The following KCNK13 variants were observed in gnomAD, a reference collection of about 807,000 sequenced individuals.
KCNK13 encodes potassium two pore domain channel subfamily K member 13.
KCNK13 carries 12 observed loss-of-function variants against 23.4 expected under a neutral mutation model. The observed-to-expected ratio is 0.51, with a 90% CI of 0.33 to 0.83. The LOEUF (loss-of-function observed/expected upper bound fraction) is 0.83, where lower values mean the gene tolerates loss of function less well. Among genes scored for constraint, KCNK13 ranks in the 40% least tolerant of loss-of-function variants. The pLI, the probability that KCNK13 is intolerant of heterozygous loss-of-function variation, is 0.02. For missense variants in KCNK13, 463 were observed against 556.3 expected, an observed-to-expected ratio of 0.83 and a Z score of 1.69; for synonymous variants, 231 against 229.5, an observed-to-expected ratio of 1.01 and a Z score of -0.06.
chr14:90,138,861 G>T (rs147649876), intron 1 of KCNK13, among the ~76,000 whole-genome samples: 2 of 152,138 alleles, frequency 1.3e-5, no homozygotes, highest in Non-Finnish European at 2.9e-5. Context: ...CTGGTAAGAG[G>T]TTGCTTCTGG....
intron 1 of KCNK13, among the ~76,000 whole-genome samples, chr14:90,146,491 T>C (rs565014265): frequency 7.2e-5 from 11 of 152,262 alleles, no homozygotes; most frequent in African/African-American, 2.4e-4. Context: ...AATTTTTGTA[T>C]TTTTAGTAGA....
intron 1 of KCNK13, among the ~76,000 whole-genome samples, chr14:90,103,750 ACGGG>A (rs1264458998): frequency 6.6e-6 from 1 of 152,050 alleles, no homozygotes; most frequent in Non-Finnish European, 1.5e-5. Flanking sequence ...TTTAGTAGAG[ACGGG>A]GTTTCACCAT....
At chr14:90,165,294 T>C (rs577043385) in intron 1 of KCNK13, among the ~76,000 whole-genome samples, 1 of 152,136 alleles carries the variant, frequency 6.6e-6, no homozygotes, top group South Asian at 2.1e-4. Context: ...GGGAGAGTGC[T>C]GATCAGGGTG....
At chr14:90,130,238 C>T (rs113308214) in intron 1 of KCNK13, among the ~76,000 whole-genome samples, 14,719 of 149,138 alleles carry the variant, frequency 0.099, 1,023 homozygotes, top group Admixed American at 0.25. Context: ...TTCACTCTCT[C>T]GCCCAGACTG....
At chr14:90,136,923 G>A (rs142248638) in intron 1 of KCNK13, among the ~76,000 whole-genome samples, 233 of 152,330 alleles carry the variant, frequency 1.5e-3, no homozygotes, top group African/African-American at 4.9e-3. Flanking sequence ...GCGTCGTCAT[G>A]TGTATTTCTC....
chr14:90,062,262 C>T lies in KCNK13; in HGVS notation c.57C>T (p.Arg19=). 6.4e-7 allele frequency: 1 copy of T among 1,557,334 alleles called. No individual in the cohort carries two copies. ...GCCACCTGAACGAGGACAACGCGCG[C>T]TTTCTGCTGCTGGCCGCGCTCATCG... is the stretch of plus-strand genomic sequence containing the variant. ...GPGHLNEDNA[R]FLLLAALIVL... The change falls in exon 1 of 2, where the codon CGC becomes CGT. Residue 19 remains arginine, a synonymous_variant. Coordinates refer to ENST00000282146, the MANE Select transcript of KCNK13 (RefSeq NM_022054.4). This position sits in a 1 kb window ranked among gnomAD's most constrained non-coding sequence, Gnocchi z 4.5.
At chr14:90,167,461 T>G (rs1228072883) in intron 1 of KCNK13, among the ~76,000 whole-genome samples, 1 of 152,160 alleles carries the variant, frequency 6.6e-6, no homozygotes, top group African/African-American at 2.4e-5. Flanking sequence ...AATGGAAAAC[T>G]CCAGAACAGT....
chr14:90,178,446 C>A (rs1312210187), intron 1 of KCNK13, among the ~76,000 whole-genome samples: 6 of 151,930 alleles, frequency 3.9e-5, no homozygotes, highest in Non-Finnish European at 8.8e-5. Flanking sequence ...CATGTGCCAC[C>A]ACCCCGGCTA....
At chr14:90,182,006 G>A (rs756449771) in intron 1 of KCNK13, among the ~76,000 whole-genome samples, 1 of 152,190 alleles carries the variant, frequency 6.6e-6, no homozygotes, top group Non-Finnish European at 1.5e-5. Context: ...ATTTTGAAGA[G>A]TTCCCAGAGA....
intron 1 of KCNK13, among the ~76,000 whole-genome samples, chr14:90,111,668 C>T (rs542165166): frequency 2.0e-5 from 3 of 152,234 alleles, no homozygotes; most frequent in South Asian, 2.1e-4. Flanking sequence ...TGAGCCCTTT[C>T]GTCTCTAGAT....
At position 90,062,789 on chromosome 14, in the gene KCNK13, C is replaced by T. The variant is rs1051981577; in HGVS notation, c.334+250C>T. On this transcript the variant is annotated intron_variant, in intron 1 of 1. Coordinates refer to ENST00000282146, the MANE Select transcript of KCNK13 (RefSeq NM_022054.4). The surrounding 1 kb of genome is among the most constrained non-coding windows in gnomAD (Gnocchi z 4.5). ...GTCTCAGTCCCCTCTGCAGACCTGC[C>T]GAGTCAGAATCTGCATGTTAACAAA... Among the ~76,000 whole-genome samples the T allele has an allele frequency of 2.3e-4, 35 of 152,070 alleles. No individual in the cohort carries two copies. Among genetic ancestry groups the T allele is most frequent in the South Asian group, 6.2e-4 (3 of 4,818 alleles).
intron 1 of KCNK13, chr14:90,107,790 A>G (rs887256637): frequency 2.3e-6 from 2 of 855,020 alleles, no homozygotes; most frequent in African/African-American, 3.3e-5. Flanking sequence ...CTGCCCATCA[A>G]ACAAGGGCTT....
intron 1 of KCNK13, among the ~76,000 whole-genome samples, chr14:90,092,126 G>A (rs1198955427): frequency 6.6e-6 from 1 of 152,070 alleles, no homozygotes; most frequent in Non-Finnish European, 1.5e-5. Flanking sequence ...GTTTCACCAT[G>A]TTAGCCAGGA....
chr14:90,175,314 C>A (rs199628819), intron 1 of KCNK13, among the ~76,000 whole-genome samples: 2 of 152,082 alleles, frequency 1.3e-5, no homozygotes, highest in East Asian at 3.9e-4. Context: ...TAAGAGGGGT[C>A]CCTACTTCAT....
chr14:90,120,088 C>T (rs1889719617), intron 1 of KCNK13, among the ~76,000 whole-genome samples: 1 of 152,122 alleles, frequency 6.6e-6, no homozygotes, highest in African/African-American at 2.4e-5. Context: ...TCAAGTAGGC[C>T]TCAGTGTCTG....
At chr14:90,108,487 C>T (rs1889573131) in intron 1 of KCNK13, among the ~76,000 whole-genome samples, 1 of 152,174 alleles carries the variant, frequency 6.6e-6, no homozygotes, top group Admixed American at 6.5e-5. Context: ...TTTCAAACGA[C>T]TGCATCTCTC....
chr14:90,168,369 CA>C (rs67436161), intron 1 of KCNK13, among the ~76,000 whole-genome samples: 2,794 of 140,830 alleles, frequency 0.02, 79 homozygotes, highest in African/African-American at 0.066. Flanking sequence ...AGACCTGTCT[CA>C]AAAAAAAAAA....
At chr14:90,162,958 G>A (rs749527518) in intron 1 of KCNK13, among the ~76,000 whole-genome samples, 16 of 152,120 alleles carry the variant, frequency 1.1e-4, no homozygotes, top group Non-Finnish European at 1.6e-4. Flanking sequence ...ATAGGAAAGT[G>A]GGCTAAAAAC....
chr14:90,066,833 G>A (rs950489281), intron 1 of KCNK13, among the ~76,000 whole-genome samples: 1 of 152,112 alleles, frequency 6.6e-6, no homozygotes, highest in Admixed American at 6.5e-5. Flanking sequence ...AAAATCAAAA[G>A]TAGGGATTCA....
Sources: gnomAD v4.1 joint callset for allele counts (sites outside exome capture counted in the v4.1 genomes callset) on GRCh38, gnomAD v4.1.1 for gene constraint, Gnocchi (gnomAD v3.1) non-coding constraint, MANE v1.5 for transcripts, NCBI Gene and HGNC (gene_info 2026-07-23, HGNC 2026-07-21) for gene names.